The following MYO3B variants were observed in gnomAD, a reference collection of about 807,000 sequenced individuals.
The protein encoded by MYO3B is myosin IIIB, also known as myosin-IIIb.
In MYO3B, 156 loss-of-function variants were observed where a neutral mutation model predicts 174.6. The observed-to-expected ratio is 0.89, with a 90% CI of 0.78 to 1.02. MYO3B has a LOEUF of 1.02. MYO3B is among the 50% of genes least tolerant of loss of function. The pLI is 0.00. For missense variants in MYO3B, 1,632 were observed against 1,639.4 expected (o/e 1.00, Z 0.08); for synonymous variants, 563 against 569.1 (o/e 0.99, Z 0.15).
At chr2:170,534,026 G>A (rs935276971) in intron 30 of MYO3B, among the ~76,000 whole-genome samples, 13 of 152,128 alleles carry the variant, frequency 8.5e-5, no homozygotes, top group East Asian at 1.9e-4. Context: ...AGTATGTCCC[G>A]TTAAGTATTT....
intron 25 of MYO3B, among the ~76,000 whole-genome samples, chr2:170,494,453 T>A (rs1262844516): frequency 6.6e-6 from 1 of 152,112 alleles, no homozygotes; most frequent in Non-Finnish European, 1.5e-5. Flanking sequence ...TGGGGCCAGA[T>A]GCGTTGGCTC....
intron 32 of MYO3B, among the ~76,000 whole-genome samples, chr2:170,599,460 GTTTTTACCGTTAAAAGGGTT>G (rs2106339443): frequency 6.6e-6 from 1 of 152,192 alleles, no homozygotes; most frequent in South Asian, 2.1e-4. Context: ...TCATTTGTTT[GTTTTTACCGTTAAAAGGGTT>G]TTTTTGCCGT....
At chr2:170,263,252 C>G (rs909971462) in intron 7 of MYO3B, among the ~76,000 whole-genome samples, 30 of 152,280 alleles carry the variant, frequency 2.0e-4, no homozygotes, top group Non-Finnish European at 3.2e-4. Flanking sequence ...AACTTGGCTG[C>G]TACATTCAGC....
At chr2:170,617,260 A>G (rs1355206545) in intron 32 of MYO3B, among the ~76,000 whole-genome samples, 1 of 152,206 alleles carries the variant, frequency 6.6e-6, no homozygotes, top group Non-Finnish European at 1.5e-5. Flanking sequence ...TGTTAATAAC[A>G]TGGATAAAGG....
intron 16 of MYO3B, among the ~76,000 whole-genome samples, chr2:170,395,454 G>A (rs1029101402): frequency 4.6e-5 from 7 of 152,118 alleles, no homozygotes; most frequent in Non-Finnish European, 1.0e-4. Context: ...GAGAGGTTAG[G>A]GAGAAGCCTT....
At chr2:170,329,214 T>A (rs2093892595) in intron 7 of MYO3B, among the ~76,000 whole-genome samples, 1 of 147,464 alleles carries the variant, frequency 6.8e-6, no homozygotes, top group Admixed American at 7.0e-5. Flanking sequence ...GACATTTACT[T>A]ACAACACAGA....
chr2:170,328,373 G>T (rs1288892128), intron 7 of MYO3B, among the ~76,000 whole-genome samples: 1 of 152,158 alleles, frequency 6.6e-6, no homozygotes, highest in Non-Finnish European at 1.5e-5. Context: ...TTTACAGTGT[G>T]TTCTATGGAG....
chr2:170,459,565 T>A (rs1684125109), intron 23 of MYO3B, among the ~76,000 whole-genome samples: 1 of 152,170 alleles, frequency 6.6e-6, no homozygotes, highest in Admixed American at 6.5e-5. Flanking sequence ...AGGAGCCCAG[T>A]TGGCTTTGCC....
chr2:170,589,823 C>T (rs1005463605), intron 32 of MYO3B, among the ~76,000 whole-genome samples: 1 of 152,170 alleles, frequency 6.6e-6, no homozygotes, highest in Non-Finnish European at 1.5e-5. Context: ...TAATGTCCTT[C>T]GCATTCACTC....
chr2:170,557,249 T>C (rs1691387071), intron 32 of MYO3B, among the ~76,000 whole-genome samples: 1 of 152,010 alleles, frequency 6.6e-6, no homozygotes, highest in East Asian at 1.9e-4. Flanking sequence ...ACGCCATTCT[T>C]CTGCCTCAGC....
chr2:170,652,825 T>C (rs574744938), intron 34 of MYO3B, among the ~76,000 whole-genome samples, 158 bp from the exon 35 acceptor site: 62 of 152,308 alleles, frequency 4.1e-4, no homozygotes, highest in African/African-American at 1.4e-3. Flanking sequence ...CTGGTACCTC[T>C]GTACTGGGAG....
intron 32 of MYO3B, 33 bp downstream of exon 32, chr2:170,544,021 C>A: frequency 6.8e-7 from 1 of 1,476,140 alleles, no homozygotes; most frequent in Non-Finnish European, 9.5e-7. Context: ...CATGCGGCTT[C>A]TACCATTTGC....
At chr2:170,518,493 G>C (rs779528650) in intron 29 of MYO3B, among the ~76,000 whole-genome samples, 1 of 152,148 alleles carries the variant, frequency 6.6e-6, no homozygotes, top group Non-Finnish European at 1.5e-5. Flanking sequence ...AAATTGTCTA[G>C]GGAGCTTTTA....
chr2:170,518,709 G>T (rs1337711871), intron 29 of MYO3B, among the ~76,000 whole-genome samples: 1 of 152,180 alleles, frequency 6.6e-6, no homozygotes, highest in Admixed American at 6.5e-5. Flanking sequence ...CCTACCTGCA[G>T]AGTCTCTGAT....
intron 22 of MYO3B, among the ~76,000 whole-genome samples, chr2:170,432,615 T>C (rs553106051): frequency 1.3e-3 from 196 of 151,702 alleles, no homozygotes; most frequent in Non-Finnish European, 2.2e-3. Flanking sequence ...CTTGCTCTGT[T>C]GCCCAGGCTG....
intron 32 of MYO3B, among the ~76,000 whole-genome samples, chr2:170,627,946 G>A (rs1696603622): frequency 6.6e-6 from 1 of 152,196 alleles, no homozygotes; most frequent in East Asian, 1.9e-4. Context: ...CATGTGACAT[G>A]TCAGTCTGCC....
chr2:170,371,243 A>G (rs1201236219), intron 9 of MYO3B, among the ~76,000 whole-genome samples: 1 of 150,640 alleles, frequency 6.6e-6, no homozygotes, highest in Admixed American at 6.6e-5. Flanking sequence ...AAAAAAAACC[A>G]AAACCTTTCT....
At chr2:170,293,148 G>A (rs2093607022) in intron 7 of MYO3B, among the ~76,000 whole-genome samples, 1 of 151,974 alleles carries the variant, frequency 6.6e-6, no homozygotes, top group South Asian at 2.1e-4. Flanking sequence ...TTGACTTCTG[G>A]GTTGTTGCTG....
chr2:170,405,879 C>G (rs540560447), intron 21 of MYO3B, among the ~76,000 whole-genome samples: 25 of 152,122 alleles, frequency 1.6e-4, no homozygotes, highest in Non-Finnish European at 2.2e-4. Context: ...TGAGGTTTGG[C>G]CTAGAACTGA....
Sources: gnomAD v4.1 joint callset for allele counts (sites outside exome capture counted in the v4.1 genomes callset) on GRCh38, gnomAD v4.1.1 for gene constraint, MANE v1.5 for transcripts, NCBI Gene and HGNC (gene_info 2026-07-23, HGNC 2026-07-21) for gene names.